Variants in ZMIZ1 observed in about 807,000 individuals in gnomAD.
The protein encoded by ZMIZ1 is zinc finger MIZ domain-containing protein 1.
In ZMIZ1, 17 loss-of-function variants were observed where a neutral mutation model predicts 113.9. The observed-to-expected ratio is 0.15, with a 90% CI of 0.10 to 0.22. The LOEUF is 0.22. ZMIZ1 is among the 10% of genes least tolerant of loss of function. The pLI, the probability that ZMIZ1 is intolerant of heterozygous loss-of-function variation, is 1.00. For synonymous variants in ZMIZ1, 607 were observed against 603.1 expected, an observed-to-expected ratio of 1.01 and a Z score of -0.09; for missense variants, 1,059 against 1,477.8, an observed-to-expected ratio of 0.72 and a Z score of 4.65.
chr10:79,301,539 C>T (rs1854300677), intron 17 of ZMIZ1, among the ~76,000 whole-genome samples: 1 of 152,140 alleles, frequency 6.6e-6, no homozygotes, highest in Admixed American at 6.5e-5. Flanking sequence ...TTGCCTGCCC[C>T]ACTCCACTGG....
At chr10:79,264,218 C>A (rs1589518487) in intron 7 of ZMIZ1, among the ~76,000 whole-genome samples, 1 of 152,198 alleles carries the variant, frequency 6.6e-6, no homozygotes, top group African/African-American at 2.4e-5. Context: ...TGCCTCCTCA[C>A]CTCCCTGCGC....
chr10:79,174,224 C>A (rs1426296626), intron 4 of ZMIZ1, among the ~76,000 whole-genome samples: 1 of 152,188 alleles, frequency 6.6e-6, no homozygotes, highest in African/African-American at 2.4e-5. Context: ...CAGCATCACC[C>A]AGGACAGTTC....
chr10:79,209,967 T>C (rs956925491), intron 6 of ZMIZ1, among the ~76,000 whole-genome samples: 20 of 152,160 alleles, frequency 1.3e-4, no homozygotes, highest in Admixed American at 1.3e-4. Flanking sequence ...ACCATCTGGC[T>C]CCCTCAGGCC....
chr10:79,084,731 C>T (rs919264302), intron 1 of ZMIZ1, among the ~76,000 whole-genome samples: 14 of 152,278 alleles, frequency 9.2e-5, no homozygotes, highest in Admixed American at 9.1e-4. Flanking sequence ...GTTGACCTCT[C>T]TCCAAGAACA....
chr10:79,180,516 G>A (rs1231584517), intron 4 of ZMIZ1, among the ~76,000 whole-genome samples: 1 of 152,190 alleles, frequency 6.6e-6, no homozygotes, highest in Non-Finnish European at 1.5e-5. Context: ...TTGCATCTGA[G>A]GGCGACATCC....
rs1216601735 is a variant in ZMIZ1 at position 79,297,598 on chromosome 10, A to G, written c.1414-15A>G. 2 of 1,613,104 alleles carry G rather than the reference A, an allele frequency of 1.2e-6. No individual in the cohort carries two copies. Among genetic ancestry groups the G allele is most frequent in the Non-Finnish European group, 1.7e-6 (2 of 1,179,176 alleles). On this transcript the variant is annotated splice_polypyrimidine_tract_variant and intron_variant, in intron 13 of 24. Coordinates refer to ENST00000334512, the MANE Select transcript of ZMIZ1 (RefSeq NM_020338.4). Reference sequence around the variant, plus strand: ...TTCTGCCCCCCACTCAGTGTTGTTTATCTTGTTTTAATAGCCAGAACAGTT... The same window carrying G: ...TTCTGCCCCCCACTCAGTGTTGTTTGTCTTGTTTTAATAGCCAGAACAGTT...
intron 18 of ZMIZ1, 38 bp from the exon 19 acceptor site, chr10:79,303,977 C>T (rs975117498): frequency 1.2e-6 from 2 of 1,612,248 alleles, no homozygotes; most frequent in African/African-American, 2.7e-5. Context: ...GCAGGACTGT[C>T]TTGCCATCCT....
intron 7 of ZMIZ1, among the ~76,000 whole-genome samples, chr10:79,274,726 A>G (rs1852161521): frequency 1.3e-5 from 2 of 152,150 alleles, no homozygotes; most frequent in African/African-American, 4.8e-5. Context: ...TGGCTGGCTG[A>G]TCCACATATC....
intron 4 of ZMIZ1, among the ~76,000 whole-genome samples, chr10:79,184,564 T>C (rs1346227586): frequency 6.6e-6 from 1 of 152,168 alleles, no homozygotes; most frequent in African/African-American, 2.4e-5. Flanking sequence ...CCGCCCCCTC[T>C]CTGCCTCCTC....
chr10:79,215,781 G>A (rs1848701523), intron 6 of ZMIZ1, among the ~76,000 whole-genome samples: 1 of 152,076 alleles, frequency 6.6e-6, no homozygotes. Context: ...AGGGCCCAGG[G>A]CATGGAAGGG....
intron 2 of ZMIZ1, among the ~76,000 whole-genome samples, chr10:79,123,068 A>G (rs1712338172): frequency 6.6e-6 from 1 of 152,198 alleles, no homozygotes; most frequent in Non-Finnish European, 1.5e-5. Context: ...CCAGGTATAC[A>G]TGGCTCTGAA....
intron 11 of ZMIZ1, 28 bp downstream of exon 11, chr10:79,292,384 G>T (rs761561286): frequency 6.3e-7 from 1 of 1,586,576 alleles, no homozygotes; most frequent in Non-Finnish European, 8.6e-7. Flanking sequence ...TCCTGGTCCA[G>T]CCTTGCCCAG....
intron 7 of ZMIZ1, among the ~76,000 whole-genome samples, chr10:79,220,139 G>A (rs1324638540): frequency 1.3e-5 from 2 of 152,158 alleles, no homozygotes; most frequent in East Asian, 1.9e-4. Context: ...CTGTGGCCTC[G>A]TCTGTGAAGA....
Position 79,114,506 on chromosome 10 carries a change from CGTGTGTGT to C in ZMIZ1, c.-336-4381_-336-4374del, listed in dbSNP as rs57304757. 3.3e-4 allele frequency among the ~76,000 whole-genome samples: 31 copies of C among 93,246 alleles called. No individual in the cohort carries two copies. The East Asian group carries it at 4.7e-3, about 14-fold the overall frequency. The allele number at this position is 93,246 out of a possible 152,430, so 61.2% of individuals were successfully genotyped here. A position where few individuals can be genotyped will look rare whatever the true frequency, so the allele number is the denominator to read the frequency against. On this transcript the variant is annotated intron_variant, in intron 1 of 24. Transcript: ENST00000334512. ...GTGTGTGTGTGTGCGTGTGTGTGTG[CGTGTGTGT>C]GTGTGTGTGTGTGTGTGTGTGTGTG...
At position 79,303,689 on chromosome 10, in the gene ZMIZ1, A is replaced by G. The variant is rs558006068; in HGVS notation, c.2126-326A>G. Among the ~76,000 whole-genome samples, 3 of 152,312 alleles carry G rather than the reference A, an allele frequency of 2.0e-5. No individual in the cohort carries two copies. In the South Asian group the frequency reaches 6.2e-4, roughly 32 times the overall value. ...TTTCACTGACCCAGTAAATCAGAGAAGTGCCATAATGACTTTCCATGAGCT... is the reference window on the plus strand; with the variant it reads ...TTTCACTGACCCAGTAAATCAGAGAGGTGCCATAATGACTTTCCATGAGCT... On this transcript the variant is annotated intron_variant, in intron 18 of 24. Coordinates refer to ENST00000334512, the MANE Select transcript of ZMIZ1 (RefSeq NM_020338.4).
intron 1 of ZMIZ1, among the ~76,000 whole-genome samples, chr10:79,114,465 G>GTA (rs1564658261): frequency 3.8e-5 from 5 of 130,870 alleles, no homozygotes; most frequent in Non-Finnish European, 8.3e-5. Context: ...GGGTGTGTAT[G>GTA]TGTGTGTGTG....
chr10:79,149,121 A>T (rs1845611280), intron 3 of ZMIZ1, among the ~76,000 whole-genome samples: 1 of 152,146 alleles, frequency 6.6e-6, no homozygotes, highest in Non-Finnish European at 1.5e-5. Context: ...TGCCTTTGGT[A>T]CAGGCAGGAG....
chr10:79,114,747 CG>C, intron 1 of ZMIZ1, among the ~76,000 whole-genome samples: 1 of 152,262 alleles, frequency 6.6e-6, no homozygotes, highest in Middle Eastern at 3.4e-3. Flanking sequence ...AGTATCACCA[CG>C]GGCTGAGAAT....
intron 1 of ZMIZ1, among the ~76,000 whole-genome samples, chr10:79,109,305 G>A (rs7086204): frequency 0.48 from 72,530 of 152,104 alleles, 17,930 homozygotes; most frequent in African/African-American, 0.63. Flanking sequence ...TGCAACTGCC[G>A]CCTCATCCTG....
Sources: gnomAD v4.1 joint callset for allele counts (sites outside exome capture counted in the v4.1 genomes callset) on GRCh38, gnomAD v4.1.1 for gene constraint, MANE v1.5 for transcripts, NCBI Gene and HGNC (gene_info 2026-07-23, HGNC 2026-07-21) for gene names.